The following ZNF596 variants were observed in gnomAD, a reference collection of about 807,000 sequenced individuals.
ZNF596 encodes the protein zinc finger protein 596.
In ZNF596, 45 loss-of-function variants were observed where a neutral mutation model predicts 48.3. The observed-to-expected ratio is 0.93, with a 90% CI of 0.73 to 1.19. ZNF596 has a LOEUF of 1.19. Among genes scored for constraint, ZNF596 ranks in the 50% most tolerant of loss-of-function variants. The pLI is 0.00. For missense variants in ZNF596, 848 were observed against 599.7 expected, an observed-to-expected ratio of 1.41 and a Z score of -4.32; for synonymous variants, 270 against 202.0, an observed-to-expected ratio of 1.34 and a Z score of -2.85.
At chr8:241,114 T>C (rs1389194938) in intron 2 of ZNF596, among the ~76,000 whole-genome samples, 2 of 152,304 alleles carry the variant, frequency 1.3e-5, no homozygotes, top group East Asian at 1.9e-4. Context: ...CATTCCAGCC[T>C]CTACTAAGGC....
chr8:242,040 C>T (rs1193976677), intron 2 of ZNF596, among the ~76,000 whole-genome samples: 2 of 152,162 alleles, frequency 1.3e-5, no homozygotes, highest in East Asian at 1.9e-4. Flanking sequence ...CCTCCCCCAA[C>T]ATGTGGGGAT....
chr8:238,907 C>T (rs1392388210), intron 1 of ZNF596, among the ~76,000 whole-genome samples: 4 of 149,542 alleles, frequency 2.7e-5, no homozygotes, highest in African/African-American at 9.9e-5. Context: ...ACACTGATAA[C>T]AAGTAAAATC....
chr8:245,599 A>G lies in ZNF596; in HGVS notation c.752A>G (p.Tyr251Cys), dbSNP rs1584915920. Reference sequence around the variant, plus strand: ...AGAACTCACACTGGAGAGAAGCCATATGGATGTCATCTATGTGGGAAAGCC... The same window carrying G: ...AGAACTCACACTGGAGAGAAGCCATGTGGATGTCATCTATGTGGGAAAGCC... ...HERTHTGEKP[Y>C]GCHLCGKAFS... The change falls in exon 6 of 6, where the codon TAT becomes TGT. Residue 251 changes from tyrosine (Y) to cysteine (C), a missense_variant. By Grantham distance (194) the Tyr-to-Cys change is radical. Transcript: ENST00000398612. The G allele has an allele frequency of 6.2e-7, 1 of 1,614,100 alleles. No individual in the cohort carries two copies. Among genetic ancestry groups the G allele is most frequent in the East Asian group, 2.2e-5 (1 of 44,856 alleles).
At position 242,983 on chromosome 8, in the gene ZNF596, T is replaced by A. The variant is rs756059382; in HGVS notation, c.109T>A (p.Leu37Met). The change falls in exon 3 of 6, where the codon TTG (leucine) becomes ATG (methionine). Residue 37 changes from leucine (L) to methionine (M), a missense_variant. By Grantham distance (15) the Leu-to-Met change is conservative. Coordinates refer to ENST00000398612, the MANE Select transcript of ZNF596 (RefSeq NM_001042416.3). ...GAGAAAGCTGTTTCAAGATGTGATGTTGGAGAACATCAGTCATCTGGTCTC... is the reference window on the plus strand; with the variant it reads ...GAGAAAGCTGTTTCAAGATGTGATGATGGAGAACATCAGTCATCTGGTCTC... ...SQRKLFQDVM[L>M]ENISHLVSIG... 1.2e-6 allele frequency: 2 copies of A among 1,612,184 alleles called. No homozygotes were observed. Among genetic ancestry groups the A allele is most frequent in the African/African-American group, 2.7e-5 (2 of 74,902 alleles).
intron 2 of ZNF596, among the ~76,000 whole-genome samples, chr8:242,239 A>G (rs558235503): frequency 4.6e-5 from 7 of 152,334 alleles, no homozygotes; most frequent in Non-Finnish European, 1.0e-4. Flanking sequence ...TTATCCATTA[A>G]CAGTGAACAC....
rs551272565 is a variant in ZNF596 at position 245,528 on chromosome 8, A to T, written c.681A>T (p.Leu227=). 3 of 1,614,050 alleles carry T rather than the reference A, an allele frequency of 1.9e-6. No individual in the cohort carries two copies. The highest frequency in any genetic ancestry group is 1.3e-5 in the African/African-American group (1 of 74,948). Reference sequence around the variant, plus strand: ...GAGAGAAACCACACGGATGTCATCTATGTGGGAAAGCCTTTACTCATTGCT... The same window carrying T: ...GAGAGAAACCACACGGATGTCATCTTTGTGGGAAAGCCTTTACTCATTGCT... ...HTGEKPHGCH[L]CGKAFTHCSD... The change falls in exon 6 of 6, where the codon CTA becomes CTT. Residue 227 remains leucine (L), a synonymous_variant. Transcript: ENST00000398612.
chr8:245,528 A>G lies in ZNF596; in HGVS notation c.681A>G (p.Leu227=), dbSNP rs551272565. Residue 227 remains leucine, a synonymous_variant, in exon 6 of 6, where the codon CTA becomes CTG. Coordinates refer to ENST00000398612, the MANE Select transcript of ZNF596 (RefSeq NM_001042416.3). ...GAGAGAAACCACACGGATGTCATCTATGTGGGAAAGCCTTTACTCATTGCT... is the reference window on the plus strand; with the variant it reads ...GAGAGAAACCACACGGATGTCATCTGTGTGGGAAAGCCTTTACTCATTGCT... ...HTGEKPHGCH[L]CGKAFTHCSD... is the part of the protein sequence containing the mutation. 6.8e-6 allele frequency: 11 copies of G among 1,614,168 alleles called. No homozygotes were observed. The highest frequency in any genetic ancestry group is 5.5e-5 in the South Asian group (5 of 91,068).
rs1404041096 is a variant in ZNF596 at position 246,959 on chromosome 8, G to A, written c.*597G>A. 6.5e-6 allele frequency: 1 copy of A among 152,758 alleles called. No individual in the cohort carries two copies. Among genetic ancestry groups the A allele is most frequent in the Non-Finnish European group, 1.5e-5 (1 of 68,526 alleles). 9.5% of individuals were successfully genotyped at this position (152,758 alleles called of 1,614,324 possible). A position where few individuals can be genotyped will look rare whatever the true frequency, so the allele number is the denominator to read the frequency against. On this transcript the variant is annotated 3_prime_UTR_variant, in exon 6 of 6. Coordinates refer to ENST00000398612, the MANE Select transcript of ZNF596 (RefSeq NM_001042416.3). ...TTAATACAGCAGCACTTCTATAATA[G>A]ATCAGAATTCACATGGTGTAGAACT... is the stretch of plus-strand genomic sequence containing the variant.
In ZNF596 at chr8:246,208, A is replaced by G; in HGVS notation, c.1361A>G (p.Lys454Arg). 1 of 1,614,194 alleles carries G rather than the reference A, an allele frequency of 6.2e-7. No individual in the cohort carries two copies. Among genetic ancestry groups the G allele is most frequent in the Non-Finnish European group, 8.5e-7 (1 of 1,180,022 alleles). ...EKPYECNICG[K>R]AFNRSYNFRL... ...CCATATGAATGCAATATATGTGGTA[A>G]AGCCTTCAATAGAAGTTACAACTTT... Residue 454 changes from lysine to arginine, a missense_variant, in exon 6 of 6, where the codon AAA becomes AGA. Lys to Arg is a conservative substitution (Grantham distance 26, BLOSUM62 2). Coordinates refer to ENST00000398612, the MANE Select transcript of ZNF596 (RefSeq NM_001042416.3).
intron 1 of ZNF596, chr8:234,618 T>C (rs1023491290): frequency 2.0e-5 from 3 of 152,222 alleles, no homozygotes; most frequent in Non-Finnish European, 4.4e-5. Flanking sequence ...TATTCATTGA[T>C]TGTTTTGTCA....
At chr8:240,340 T>A (rs965272596) in intron 1 of ZNF596, 1 of 152,884 alleles carries the variant, frequency 6.5e-6, no homozygotes, top group African/African-American at 2.4e-5. Flanking sequence ...AAGCCTCACA[T>A]GGAAGAGACA....
intron 1 of ZNF596, chr8:240,553 G>C (rs543726423): frequency 4.0e-6 from 1 of 252,822 alleles, no homozygotes; most frequent in Non-Finnish European, 7.5e-6. Flanking sequence ...AATCATAGAA[G>C]GAATTAAACA....
intron 5 of ZNF596, 56 bp from the exon 6 acceptor site, chr8:245,098 T>C: frequency 6.6e-7 from 1 of 1,507,848 alleles, no homozygotes; most frequent in Admixed American, 2.3e-5. Flanking sequence ...ATGAATGAAG[T>C]AATGAATGAG....
chr8:244,484 C>T lies in ZNF596; in HGVS notation c.224-135C>T, dbSNP rs1396475794. On this transcript the variant is annotated intron_variant, in intron 4 of 5. Transcript: ENST00000398612. ...GTCAATGTGCTATAATACTCTTCTCCTTAAAGTATGGTTAATTTAACATTC... is the reference window on the plus strand; with the variant it reads ...GTCAATGTGCTATAATACTCTTCTCTTTAAAGTATGGTTAATTTAACATTC... The T allele has an allele frequency of 1.0e-5, 7 of 675,992 alleles. No individual in the cohort carries two copies. The Middle Eastern group carries it at 1.0e-3, about 98-fold the overall frequency. The allele number at this position is 675,992 out of a possible 1,614,324, so 41.9% of individuals were successfully genotyped here. A position where few individuals can be genotyped will look rare whatever the true frequency, so the allele number is the denominator to read the frequency against.
intron 2 of ZNF596, among the ~76,000 whole-genome samples, chr8:242,277 A>T (rs1308221908): frequency 6.8e-6 from 1 of 147,820 alleles, no homozygotes; most frequent in Non-Finnish European, 1.5e-5. Flanking sequence ...AAGAGGCTGC[A>T]TCTGCTGATA....
At position 244,612 on chromosome 8, in the gene ZNF596, A is replaced by G. The variant is rs370496620; in HGVS notation, c.224-7A>G. On this transcript the variant is annotated splice_region_variant and splice_polypyrimidine_tract_variant and intron_variant, in intron 4 of 5. Transcript: ENST00000398612. ...ATATAGCATCTTTTTTTTTTCATTT[A>G]TTTCAGGTAGAGAAGTTGGCATTAA... 5.7e-6 allele frequency: 9 copies of G among 1,585,502 alleles called. No homozygotes were observed. Among genetic ancestry groups the G allele is most frequent in the Non-Finnish European group, 6.9e-6 (8 of 1,166,120 alleles).
chr8:236,615 G>T (rs910337999), intron 1 of ZNF596, among the ~76,000 whole-genome samples: 6 of 152,106 alleles, frequency 3.9e-5, no homozygotes, highest in Admixed American at 2.6e-4. Flanking sequence ...TATTTTTAAA[G>T]ATTTAAATTA....
At chr8:243,948 C>T (rs562207364) in intron 4 of ZNF596, 143 bp downstream of exon 4, 29 of 601,752 alleles carry the variant, frequency 4.8e-5, no homozygotes, top group Middle Eastern at 4.6e-4. Flanking sequence ...AGTGCAGTGG[C>T]GTGATCTCGG....
At chr8:241,063 G>C (rs2117092028) in intron 2 of ZNF596, among the ~76,000 whole-genome samples, 156 bp downstream of exon 2, 1 of 152,270 alleles carries the variant, frequency 6.6e-6, no homozygotes, top group South Asian at 2.1e-4. Flanking sequence ...TTGGCTCAAA[G>C]AGTCATCAAG....
Sources: gnomAD v4.1 joint callset for allele counts (sites outside exome capture counted in the v4.1 genomes callset) on GRCh38, gnomAD v4.1.1 for gene constraint, MANE v1.5 for transcripts, NCBI Gene and HGNC (gene_info 2026-07-23, HGNC 2026-07-21) for gene names.